Variants in LRGUK observed in about 807,000 individuals in gnomAD.
The protein encoded by LRGUK is leucine rich repeats and guanylate kinase domain containing.
LRGUK carries 65 observed loss-of-function variants against 76.0 expected under a neutral mutation model. That is an observed-to-expected ratio of 0.85 (90% CI 0.70 to 1.05). LRGUK has a LOEUF of 1.05. Ranked by LOEUF, LRGUK falls within the 50% of genes least tolerant of loss-of-function variation. LRGUK has a pLI of 0.00. For synonymous variants in LRGUK, 268 were observed against 265.6 expected (o/e 1.01, Z -0.09); for missense variants, 758 against 732.8 (o/e 1.03, Z -0.40).
chr7:134,145,679 G>T (rs1797940042), intron 4 of LRGUK, among the ~76,000 whole-genome samples: 1 of 152,176 alleles, frequency 6.6e-6, no homozygotes, highest in African/African-American at 2.4e-5. Context: ...AACTGGGATT[G>T]AACCCACTGT....
At chr7:134,197,817 T>G (rs1242104439) in intron 13 of LRGUK, among the ~76,000 whole-genome samples, 1 of 152,232 alleles carries the variant, frequency 6.6e-6, no homozygotes, top group Non-Finnish European at 1.5e-5. Flanking sequence ...TCATTTATTT[T>G]TTAAAAATAT....
rs1001131236 is a variant in LRGUK at position 134,155,254 on chromosome 7, A to G, written c.671-2781A>G. Among the ~76,000 whole-genome samples, 12 of 152,144 alleles carry G rather than the reference A, an allele frequency of 7.9e-5. 1 individual carries two copies. The highest frequency in any genetic ancestry group is 4.1e-4 in the South Asian group (2 of 4,830). ...TTTAATCTCCTATTTCTTATGTTTC[A>G]TATTCATATTTTGTTACAATCCGTA... On this transcript the variant is annotated intron_variant, in intron 5 of 15. Transcript: ENST00000645682.
chr7:134,181,512 G>A (rs1284054903), intron 10 of LRGUK, among the ~76,000 whole-genome samples: 1 of 77,434 alleles, frequency 1.3e-5, no homozygotes, highest in Non-Finnish European at 2.5e-5. Context: ...CCCTTTCAAT[G>A]CGTAGTGTTT....
At chr7:134,199,090 T>C (rs1800638087) in intron 13 of LRGUK, 130 bp from the exon 14 acceptor site, 1 of 640,622 alleles carries the variant, frequency 1.6e-6, no homozygotes, top group South Asian at 2.3e-5. Context: ...AGTAGCTAAC[T>C]ATACAGATGA....
intron 5 of LRGUK, among the ~76,000 whole-genome samples, chr7:134,157,750 C>T (rs1291840573): frequency 6.6e-6 from 1 of 152,166 alleles, no homozygotes; most frequent in African/African-American, 2.4e-5. Flanking sequence ...GTCTCGATCT[C>T]CTGACCTCAT....
chr7:134,237,124 G>T lies in LRGUK; in HGVS notation c.1984-10432G>T, dbSNP rs903380723. 4.5e-4 allele frequency among the ~76,000 whole-genome samples: 64 copies of T among 141,014 alleles called. 1 individual carries two copies. Among genetic ancestry groups the T allele is most frequent in the African/African-American group, 1.7e-3 (63 of 36,882 alleles). 92.5% of individuals were successfully genotyped at this position (141,014 alleles called of 152,430 possible). On this transcript the variant is annotated intron_variant, in intron 16 of 19. Coordinates refer to the LRGUK transcript ENST00000285928. ...GGCTGGAGTGCAGTGGCACGATCTT[G>T]GCTCACTGCAACCTCCACCTCCCGG...
downstream of LRGUK, among the ~76,000 whole-genome samples, chr7:134,212,865 G>A (rs756649579): frequency 9.2e-5 from 14 of 152,092 alleles, no homozygotes; most frequent in South Asian, 2.1e-4. Flanking sequence ...GCCCCACAGC[G>A]TGTTAGGCTA....
At chr7:134,267,695 T>C (rs1802880111), downstream of LRGUK, among the ~76,000 whole-genome samples, 1 of 152,164 alleles carries the variant, frequency 6.6e-6, no homozygotes, top group African/African-American at 2.4e-5. Flanking sequence ...TCCCCAGCCA[T>C]GTGGAGTTGT....
the LRGUK span, among the ~76,000 whole-genome samples, chr7:134,274,952 T>A: frequency 6.6e-6 from 1 of 152,122 alleles, no homozygotes; most frequent in Non-Finnish European, 1.5e-5. Context: ...TCATACTAAG[T>A]TCAGTCCTAT....
At chr7:134,180,012 A>C (rs1799670717) in intron 10 of LRGUK, among the ~76,000 whole-genome samples, 1 of 152,192 alleles carries the variant, frequency 6.6e-6, no homozygotes, top group Admixed American at 6.5e-5. Context: ...GTGAGGATAC[A>C]GTATTAAAAT....
At chr7:134,127,436 C>T (rs915837657) in exon 1 of LRGUK, 2 of 1,613,768 alleles carry the variant, frequency 1.2e-6, no homozygotes, top group Admixed American at 3.3e-5. Flanking sequence ...TGGGCAGATC[C>T]CGAACTGGAG....
At chr7:134,256,922 T>G (rs963899478) in intron 18 of LRGUK, among the ~76,000 whole-genome samples, 1 of 152,146 alleles carries the variant, frequency 6.6e-6, no homozygotes, top group Non-Finnish European at 1.5e-5. Context: ...GTGTTAGAAT[T>G]GAGAATGACT....
At chr7:134,266,193 T>C (rs1406990933), downstream of LRGUK, among the ~76,000 whole-genome samples, 1 of 152,206 alleles carries the variant, frequency 6.6e-6, no homozygotes, top group African/African-American at 2.4e-5. Context: ...TGAAGTCTCA[T>C]TAACACACTA....
chr7:134,131,569 C>G (rs1452150582), intron 1 of LRGUK, among the ~76,000 whole-genome samples: 1 of 152,062 alleles, frequency 6.6e-6, no homozygotes, highest in East Asian at 1.9e-4. Context: ...GAAGAAGCCT[C>G]CTAGGTAGGG....
chr7:134,205,480 A>G (rs10488426), intron 15 of LRGUK, among the ~76,000 whole-genome samples: 12,701 of 152,244 alleles, frequency 0.083, 966 homozygotes, highest in East Asian at 0.38. Context: ...TCTGATTTTA[A>G]GTTCTATAAT....
At chr7:134,238,548 G>GT (rs1585590371) in intron 16 of LRGUK, among the ~76,000 whole-genome samples, 2 of 151,828 alleles carry the variant, frequency 1.3e-5, no homozygotes, top group South Asian at 2.1e-4. Flanking sequence ...TCTGAGGTGG[G>GT]TTTTTTTGTT....
chr7:134,131,252 A>C (rs757954816), intron 1 of LRGUK, among the ~76,000 whole-genome samples: 9 of 152,268 alleles, frequency 5.9e-5, no homozygotes, highest in Admixed American at 2.6e-4. Flanking sequence ...TTCTTACTAT[A>C]GTGTCTGATA....
At chr7:134,138,927 C>A (rs1797644113) in intron 2 of LRGUK, among the ~76,000 whole-genome samples, 1 of 152,114 alleles carries the variant, frequency 6.6e-6, no homozygotes, top group African/African-American at 2.4e-5. Context: ...ATAAGCTGCC[C>A]TACAGATTTC....
chr7:134,178,724 T>C lies in LRGUK; in HGVS notation c.1214+115T>C, dbSNP rs1304247915. On this transcript the variant is annotated intron_variant, in intron 10 of 15. Transcript: ENST00000645682. ...TTTATTTCCTATAAAGGCTGCTTTTTCCCTTTCTCTGAGGGAAGGGGCCAA... is the reference window on the plus strand; with the variant it reads ...TTTATTTCCTATAAAGGCTGCTTTTCCCCTTTCTCTGAGGGAAGGGGCCAA... The C allele has an allele frequency of 4.7e-6, 3 of 642,312 alleles. No individual in the cohort carries two copies. The East Asian group carries it at 8.7e-5, about 19-fold the overall frequency. The allele number at this position is 642,312 out of a possible 1,614,324, so 39.8% of individuals were successfully genotyped here. A position where few individuals can be genotyped will look rare whatever the true frequency, so the allele number is the denominator to read the frequency against.
Sources: gnomAD v4.1 joint callset for allele counts (sites outside exome capture counted in the v4.1 genomes callset) on GRCh38, gnomAD v4.1.1 for gene constraint, MANE v1.5 for transcripts, NCBI Gene and HGNC (gene_info 2026-07-23, HGNC 2026-07-21) for gene names.